Variants in DLGAP2 observed in about 807,000 individuals in gnomAD.
The protein encoded by DLGAP2 is disks large-associated protein 2.
DLGAP2 carries 26 observed loss-of-function variants against 100.3 expected under a neutral mutation model. The ratio of observed to expected loss-of-function variants is 0.26; its 90% confidence interval spans 0.19 to 0.36. DLGAP2 has a LOEUF of 0.36. Ranked by LOEUF, DLGAP2 falls within the 10% of genes least tolerant of loss-of-function variation. DLGAP2 has a pLI of 1.00. For synonymous variants in DLGAP2, 886 were observed against 630.1 expected (o/e 1.41, Z -6.08); for missense variants, 1,858 against 1,453.2 (o/e 1.28, Z -4.53).
chr8:923,675 G>A (rs74550761), intron 2 of DLGAP2, among the ~76,000 whole-genome samples: 8,969 of 152,298 alleles, frequency 0.059, 385 homozygotes, highest in Admixed American at 0.11. Context: ...GTGCATAGGG[G>A]ACAGTCAGTG....
At chr8:891,189 G>C (rs932919181) in intron 1 of DLGAP2, 1 of 152,492 alleles carries the variant, frequency 6.6e-6, no homozygotes, top group Non-Finnish European at 1.5e-5. Flanking sequence ...TGTGATTGAG[G>C]GCATGGCTGA....
At chr8:1,468,132 C>T (rs991699598) in intron 3 of DLGAP2, among the ~76,000 whole-genome samples, 1 of 152,246 alleles carries the variant, frequency 6.6e-6, no homozygotes, top group African/African-American at 2.4e-5. Context: ...CAGGGAGGTC[C>T]AGGCAGGCCC....
rs572623230 is a variant in DLGAP2 at position 1,070,874 on chromosome 8, C to T, written c.73+162908C>T. 2.0e-5 allele frequency among the ~76,000 whole-genome samples: 3 copies of T among 152,340 alleles called. 1 individual carries two copies. In the South Asian group the frequency reaches 6.2e-4, roughly 32 times the overall value. On this transcript the variant is annotated intron_variant, in intron 2 of 14. Coordinates refer to ENST00000637795, the MANE Select transcript of DLGAP2 (RefSeq NM_001346810.2). ...TCGCCCCTCGCCCTCACTCTCCAGA[C>T]CCCACAATTGCCGACAAGCACTGAG... is the stretch of plus-strand genomic sequence containing the variant.
chr8:882,426 C>T (rs1383508957), intron 1 of DLGAP2, among the ~76,000 whole-genome samples: 4 of 122,928 alleles, frequency 3.3e-5, no homozygotes, highest in African/African-American at 6.3e-5. Flanking sequence ...CGCGCACCCT[C>T]GCCTGATCCA....
intron 3 of DLGAP2, among the ~76,000 whole-genome samples, chr8:1,412,211 T>C (rs1040268372): frequency 1.3e-5 from 2 of 152,178 alleles, no homozygotes; most frequent in African/African-American, 4.8e-5. Context: ...GCACTGGGAC[T>C]TTTATGCTGA....
intron 4 of DLGAP2, among the ~76,000 whole-genome samples, chr8:1,515,605 C>T (rs778293553): frequency 1.3e-5 from 2 of 152,144 alleles, no homozygotes; most frequent in African/African-American, 4.8e-5. Context: ...TGCAGACACA[C>T]GTGCATGCAC....
At chr8:1,383,204 T>C (rs767794776) in intron 3 of DLGAP2, among the ~76,000 whole-genome samples, 3 of 152,146 alleles carry the variant, frequency 2.0e-5, no homozygotes, top group Non-Finnish European at 4.4e-5. Flanking sequence ...ACGAGAAAAA[T>C]AAGGGATTTT....
intron 1 of DLGAP2, among the ~76,000 whole-genome samples, chr8:785,004 G>A (rs187682724): frequency 0.013 from 2,049 of 151,974 alleles, 24 homozygotes; most frequent in Non-Finnish European, 0.021. Context: ...TCAGGAGATC[G>A]AGACCATCCT....
At chr8:1,477,906 C>G (rs952531888) in intron 3 of DLGAP2, among the ~76,000 whole-genome samples, 2 of 151,992 alleles carry the variant, frequency 1.3e-5, no homozygotes, top group Non-Finnish European at 2.9e-5. Flanking sequence ...GTCATTTTGC[C>G]CCAGGCAGAG....
chr8:1,258,490 G>A (rs560084462), intron 2 of DLGAP2, among the ~76,000 whole-genome samples: 1 of 152,080 alleles, frequency 6.6e-6, no homozygotes, highest in South Asian at 2.1e-4. Context: ...TTGCATGCGG[G>A]GCTTAAAACC....
chr8:1,412,738 C>A (rs1796767326), intron 3 of DLGAP2, among the ~76,000 whole-genome samples: 2 of 152,338 alleles, frequency 1.3e-5, no homozygotes, highest in Admixed American at 1.3e-4. Context: ...AGCAAGACCT[C>A]TACAGGCAAA....
chr8:1,678,073 T>G (rs1207989736), intron 11 of DLGAP2, 141 bp from the exon 12 acceptor site: 1 of 894,544 alleles, frequency 1.1e-6, no homozygotes, highest in Non-Finnish European at 1.7e-6. Context: ...CACCAGCATA[T>G]TTCACAAACA....
At chr8:1,688,402 T>G (rs148825775) in intron 12 of DLGAP2, 14 of 152,362 alleles carry the variant, frequency 9.2e-5, no homozygotes, top group African/African-American at 3.4e-4. Context: ...TCCGAGTTAC[T>G]TGCTTTTATT....
intron 8 of DLGAP2, among the ~76,000 whole-genome samples, chr8:1,654,608 C>T (rs893478798): frequency 1.3e-5 from 2 of 148,638 alleles, no homozygotes; most frequent in Admixed American, 1.4e-4. Context: ...TTGCAGTGAG[C>T]TGCGATCACG....
At chr8:1,231,227 C>A (rs1264730738) in intron 2 of DLGAP2, among the ~76,000 whole-genome samples, 1 of 151,938 alleles carries the variant, frequency 6.6e-6, no homozygotes, top group Non-Finnish European at 1.5e-5. Context: ...GTCAAAAAAC[C>A]CACGAAAAAA....
chr8:1,353,854 T>C (rs1017018537), intron 3 of DLGAP2, among the ~76,000 whole-genome samples: 13 of 151,842 alleles, frequency 8.6e-5, no homozygotes, highest in African/African-American at 3.1e-4. Flanking sequence ...ATATCTCAAA[T>C]CAATATGAAA....
intron 1 of DLGAP2, among the ~76,000 whole-genome samples, chr8:751,809 T>C (rs527512982): frequency 1.9e-4 from 29 of 152,198 alleles, no homozygotes; most frequent in African/African-American, 7.0e-4. Flanking sequence ...TAAGTCCTTA[T>C]AGGAAGTTCA....
chr8:1,325,647 C>T (rs1394320872), intron 3 of DLGAP2, among the ~76,000 whole-genome samples: 2 of 152,214 alleles, frequency 1.3e-5, no homozygotes, highest in Admixed American at 6.5e-5. Context: ...CTGAACGGAG[C>T]AGCCTCCAGC....
At chr8:1,253,389 T>C (rs1212394158) in intron 2 of DLGAP2, among the ~76,000 whole-genome samples, 1 of 152,130 alleles carries the variant, frequency 6.6e-6, no homozygotes, top group African/African-American at 2.4e-5. Context: ...GGAGGGCGGG[T>C]GCTGCGGAGG....
Sources: gnomAD v4.1 joint callset for allele counts (sites outside exome capture counted in the v4.1 genomes callset) on GRCh38, gnomAD v4.1.1 for gene constraint, MANE v1.5 for transcripts, NCBI Gene and HGNC (gene_info 2026-07-23, HGNC 2026-07-21) for gene names.